Variants in GPC6 observed in about 807,000 individuals in gnomAD.
The protein encoded by GPC6 is glypican 6.
A neutral mutation model predicts 55.2 loss-of-function variants in GPC6; 14 were observed. The ratio of observed to expected loss-of-function variants is 0.25; its 90% CI spans 0.17 to 0.40. The LOEUF (loss-of-function observed/expected upper bound fraction) is 0.40, where lower values mean the gene tolerates loss of function less well. GPC6 is among the 10% of genes least tolerant of loss of function. GPC6 has a pLI of 1.00. For missense variants in GPC6, 641 were observed against 708.5 expected (o/e 0.90, Z 1.08); for synonymous variants, 278 against 259.6 (o/e 1.07, Z -0.68).
At chr13:93,717,601 T>C (rs537302739) in intron 2 of GPC6, among the ~76,000 whole-genome samples, 1 of 151,698 alleles carries the variant, frequency 6.6e-6, no homozygotes, top group East Asian at 1.9e-4. Context: ...GGAAAACAAC[T>C]ATTATTTTTT....
intron 2 of GPC6, among the ~76,000 whole-genome samples, chr13:93,717,274 A>G (rs911145342): frequency 6.6e-6 from 1 of 151,752 alleles, no homozygotes; most frequent in Admixed American, 6.6e-5. Context: ...GTTTACCTTC[A>G]TAATGAAAGC....
At chr13:93,321,632 C>T (rs78560895) in intron 1 of GPC6, among the ~76,000 whole-genome samples, 4,712 of 152,174 alleles carry the variant, frequency 0.031, 244 homozygotes, top group African/African-American at 0.11. Context: ...TTATTTTAAA[C>T]CCATCAAGTT....
intron 2 of GPC6, among the ~76,000 whole-genome samples, chr13:93,751,102 T>C (rs1884565959): frequency 6.6e-6 from 1 of 152,136 alleles, no homozygotes; most frequent in South Asian, 2.1e-4. Context: ...GTTGGCTACT[T>C]TGCAAGAATA....
At chr13:93,364,987 A>G (rs1012973830) in intron 1 of GPC6, among the ~76,000 whole-genome samples, 6 of 152,030 alleles carry the variant, frequency 3.9e-5, no homozygotes, top group African/African-American at 1.4e-4. Flanking sequence ...TTTCTAGTGT[A>G]ATAGTCTTAG....
rs182687262 is a variant in GPC6, at chr13:94,185,451, C to T, written c.878-100898C>T. ...TCAGGTAACTTTATGACATAGACAA[C>T]GTGTACATAGACACATTATTTTATG... On this transcript the variant is annotated intron_variant, in intron 4 of 8. Transcript: ENST00000377047. Among the ~76,000 whole-genome samples the T allele has an allele frequency of 2.6e-3, 399 of 151,776 alleles. 1 individual carries two copies. The highest frequency in any genetic ancestry group is 9.0e-3 in the African/African-American group (373 of 41,398).
chr13:93,526,791 T>C (rs961075746), intron 1 of GPC6, among the ~76,000 whole-genome samples: 1 of 152,136 alleles, frequency 6.6e-6, no homozygotes, highest in Non-Finnish European at 1.5e-5. Context: ...AAATTAAGTA[T>C]GTTCTTAGGT....
intron 3 of GPC6, among the ~76,000 whole-genome samples, chr13:94,004,592 T>C (rs1235129347): frequency 6.6e-6 from 1 of 152,206 alleles, no homozygotes; most frequent in Middle Eastern, 3.2e-3. Flanking sequence ...TCAAAATTAT[T>C]TACTGTTTCC....
At chr13:94,390,891 AAAT>A (rs1245074738) in intron 7 of GPC6, among the ~76,000 whole-genome samples, 105 of 152,240 alleles carry the variant, frequency 6.9e-4, no homozygotes, top group African/African-American at 2.2e-3. Flanking sequence ...GGGAAAAAAA[AAAT>A]AAATGTTAGG....
At chr13:93,744,740 G>A (rs977178606) in intron 2 of GPC6, among the ~76,000 whole-genome samples, 2 of 151,174 alleles carry the variant, frequency 1.3e-5, no homozygotes, top group South Asian at 2.1e-4. Context: ...GACCAGACTG[G>A]CCAATATGGT....
chr13:94,285,875 T>A (rs933836368), intron 4 of GPC6, among the ~76,000 whole-genome samples: 3 of 152,162 alleles, frequency 2.0e-5, no homozygotes, highest in African/African-American at 4.8e-5. Flanking sequence ...TCCAGACAGA[T>A]CTGTACATCT....
At chr13:93,836,309 A>G (rs1271687671) in intron 3 of GPC6, among the ~76,000 whole-genome samples, 1 of 152,246 alleles carries the variant, frequency 6.6e-6, no homozygotes. Flanking sequence ...CATGGATTCA[A>G]TTTACAAGAG....
At chr13:93,559,494 A>G (rs1055929996) in intron 2 of GPC6, among the ~76,000 whole-genome samples, 1 of 152,194 alleles carries the variant, frequency 6.6e-6, no homozygotes, top group Non-Finnish European at 1.5e-5. Flanking sequence ...TCTCAGTAAC[A>G]ATTTAGTACA....
intron 6 of GPC6, among the ~76,000 whole-genome samples, chr13:94,372,575 T>C (rs1200770930): frequency 1.3e-5 from 2 of 150,838 alleles, no homozygotes; most frequent in Non-Finnish European, 2.9e-5. Context: ...GCCCACGGAG[T>C]CTCGCTGATT....
intron 4 of GPC6, among the ~76,000 whole-genome samples, chr13:94,144,937 A>C (rs191483809): frequency 8.7e-4 from 133 of 152,324 alleles, no homozygotes; most frequent in Admixed American, 7.3e-3. Flanking sequence ...CAGGGGAATC[A>C]AATATTTATA....
In GPC6 at chr13:93,990,517, G is replaced by A. The variant is rs78001798; in HGVS notation, c.712-37212G>A. Among the ~76,000 whole-genome samples, 1,427 of 152,020 alleles carry A rather than the reference G, an allele frequency of 9.4e-3. 18 individuals carry two copies. The highest frequency in any genetic ancestry group is 0.034 in the Middle Eastern group (10 of 294). On this transcript the variant is annotated intron_variant, in intron 3 of 8. Coordinates refer to ENST00000377047, the MANE Select transcript of GPC6 (RefSeq NM_005708.5). The stretch of plus-strand genomic sequence containing the variant: ...TCACAGGAGGTACTATTTGCATATC[G>A]TTCAAAAGTGGAGATGTGGCCTATG...
intron 4 of GPC6, among the ~76,000 whole-genome samples, chr13:94,144,504 A>C (rs1887492785): frequency 6.7e-6 from 1 of 148,646 alleles, no homozygotes; most frequent in Non-Finnish European, 1.5e-5. Flanking sequence ...TTCAGTTCTT[A>C]GTTCCTTTGT....
At chr13:93,642,885 G>C (rs1228480889) in intron 2 of GPC6, among the ~76,000 whole-genome samples, 1 of 152,112 alleles carries the variant, frequency 6.6e-6, no homozygotes, top group Non-Finnish European at 1.5e-5. Context: ...TATGAAGAAA[G>C]CATGAAAGGT....
At chr13:94,247,207 A>G (rs983308082) in intron 4 of GPC6, among the ~76,000 whole-genome samples, 12 of 152,246 alleles carry the variant, frequency 7.9e-5, no homozygotes, top group African/African-American at 2.9e-4. Flanking sequence ...AAATCTTACA[A>G]CTTGACTGAA....
intron 6 of GPC6, among the ~76,000 whole-genome samples, chr13:94,340,563 A>G (rs780636986): frequency 6.4e-4 from 97 of 152,326 alleles, no homozygotes; most frequent in Non-Finnish European, 9.3e-4. Flanking sequence ...AAAGGCATGT[A>G]TATATTGTGA....
Sources: gnomAD v4.1 joint callset for allele counts (sites outside exome capture counted in the v4.1 genomes callset) on GRCh38, gnomAD v4.1.1 for gene constraint, MANE v1.5 for transcripts, NCBI Gene and HGNC (gene_info 2026-07-23, HGNC 2026-07-21) for gene names.